Variants in TEX14 observed in about 807,000 individuals in gnomAD.
The protein encoded by TEX14 is testis expressed 14, intercellular bridge forming factor, also known as inactive serine/threonine-protein kinase TEX14.
In TEX14, 168 loss-of-function variants were observed where a neutral mutation model predicts 178.6. That is an observed-to-expected ratio of 0.94 (90% CI 0.83 to 1.07). The LOEUF (loss-of-function observed/expected upper bound fraction) is 1.07, where lower values mean the gene tolerates loss of function less well. TEX14 is among the 50% of genes least tolerant of loss of function. The pLI, the probability that TEX14 is intolerant of heterozygous loss-of-function variation, is 0.00. For missense variants in TEX14, 1,730 were observed against 1,753.6 expected (o/e 0.99, Z 0.24); for synonymous variants, 626 against 634.1 (o/e 0.99, Z 0.19).
chr17:58,573,739 G>A (rs540379604), intron 22 of TEX14, among the ~76,000 whole-genome samples: 207 of 152,170 alleles, frequency 1.4e-3, no homozygotes, highest in African/African-American at 4.7e-3. Context: ...GGCTGGTCAC[G>A]AACTCCTGAT....
intron 1 of TEX14, chr17:58,675,551 T>C (rs1271220885): frequency 6.6e-6 from 1 of 152,234 alleles, no homozygotes; most frequent in Non-Finnish European, 1.5e-5. Context: ...AGACAATCTC[T>C]GGCTCTTTCT....
At chr17:58,679,405 G>C (rs892168024) in intron 1 of TEX14, 1 of 151,294 alleles carries the variant, frequency 6.6e-6, no homozygotes, top group East Asian at 1.9e-4. Flanking sequence ...CGTGTGTGGA[G>C]AAAAAAATGA....
At chr17:58,561,006 A>AT (rs1029639895) in intron 29 of TEX14, among the ~76,000 whole-genome samples, 1 of 152,222 alleles carries the variant, frequency 6.6e-6, no homozygotes, top group Non-Finnish European at 1.5e-5. Context: ...AAAATAAGAC[A>AT]TACTTCTTGC....
intron 7 of TEX14, 124 bp downstream of exon 7, chr17:58,616,051 T>C (rs2045864673): frequency 8.8e-7 from 1 of 1,141,098 alleles, no homozygotes; most frequent in African/African-American, 1.6e-5. Flanking sequence ...AACCCTGATT[T>C]AGACAGATGT....
At chr17:58,670,873 A>G (rs2047294984) in intron 1 of TEX14, among the ~76,000 whole-genome samples, 1 of 152,024 alleles carries the variant, frequency 6.6e-6, no homozygotes, top group Non-Finnish European at 1.5e-5. Context: ...ATAAAATGAT[A>G]GAAGTACATA....
intron 2 of TEX14, among the ~76,000 whole-genome samples, chr17:58,650,802 A>G (rs2046824618): frequency 6.6e-6 from 1 of 152,150 alleles, no homozygotes; most frequent in South Asian, 2.1e-4. Flanking sequence ...AGAACTATTC[A>G]GTGGGATAGG....
intron 2 of TEX14, among the ~76,000 whole-genome samples, chr17:58,646,842 C>T (rs887697131): frequency 4.2e-4 from 64 of 151,914 alleles, no homozygotes; most frequent in African/African-American, 1.5e-3. Context: ...CTGTAACAAT[C>T]GGTTTTCTGA....
In TEX14 at chr17:58,585,885, C is replaced by G; in HGVS notation, c.2986G>C (p.Gly996Arg). Residue 996 changes from glycine (G) to arginine (R), a missense_variant, in exon 18 of 32, where the codon GGA becomes CGA. This residue lies in a region of TEX14 where 941 missense variants were observed against 1,072.4 expected (regional missense o/e 0.88). Coordinates refer to ENST00000349033, the MANE Select transcript of TEX14 (RefSeq NM_031272.5). ...CCCGTCTTGTCAAACTTGCCATTTC[C>G]TCTGGGCTCATCATTTTCCCTATGA... ...EYHRENDEPR[G>R]NGKFDKTGNN... 1 of 1,614,054 alleles carries G rather than the reference C, an allele frequency of 6.2e-7. No homozygotes were observed. Among genetic ancestry groups the G allele is most frequent in the Non-Finnish European group, 8.5e-7 (1 of 1,180,002 alleles).
rs762547480 is a variant in TEX14 at position 58,616,198 on chromosome 17, G to A, written c.744C>T (p.Ser248=). The A allele has an allele frequency of 1.3e-5, 21 of 1,613,498 alleles. No homozygotes were observed. The highest frequency in any genetic ancestry group is 1.6e-5 in the Non-Finnish European group (19 of 1,179,824). ...ACTTGGTCATGACCATGTAGGGGCC[G>A]CTGAAGAAAGAGAAGGTGGGCTCAT... ...ADDEPTFSFF[S]GPYMVMTNLV... is the part of the protein sequence containing the mutation. Residue 248 remains serine, a synonymous_variant, in exon 7 of 32, where the codon AGC becomes AGT. Transcript: ENST00000349033.
intron 2 of TEX14, among the ~76,000 whole-genome samples, chr17:58,639,147 G>A (rs1440758066): frequency 6.6e-6 from 1 of 151,726 alleles, no homozygotes; most frequent in Non-Finnish European, 1.5e-5. Flanking sequence ...TTACAGGCGT[G>A]AGCCACCGCG....
chr17:58,650,768 T>A (rs1404471516), intron 2 of TEX14, among the ~76,000 whole-genome samples: 1 of 152,178 alleles, frequency 6.6e-6, no homozygotes, highest in Non-Finnish European at 1.5e-5. Context: ...GGATCCACTG[T>A]GCCAGCCATG....
chr17:58,617,083 T>C (rs1010640575), intron 6 of TEX14, among the ~76,000 whole-genome samples: 8 of 151,924 alleles, frequency 5.3e-5, no homozygotes, highest in South Asian at 4.2e-4. Context: ...AAATCCCATC[T>C]CTACTAAAAA....
chr17:58,608,521 A>T (rs907158028), intron 10 of TEX14, among the ~76,000 whole-genome samples: 2 of 152,158 alleles, frequency 1.3e-5, no homozygotes, highest in African/African-American at 4.8e-5. Context: ...GGTTGCAGTG[A>T]GCCGAGATCG....
chr17:58,565,714 A>T (rs1285292479), intron 27 of TEX14, 33 bp downstream of exon 27: 1 of 1,535,748 alleles, frequency 6.5e-7, no homozygotes, highest in East Asian at 2.3e-5. Context: ...CGTTAAAAGA[A>T]CCTGATGAAA....
chr17:58,595,943 G>C (rs2045268268), intron 14 of TEX14, among the ~76,000 whole-genome samples: 1 of 152,216 alleles, frequency 6.6e-6, no homozygotes, highest in South Asian at 2.1e-4. Context: ...CCAACACTTT[G>C]GGAGGCCAAG....
intron 1 of TEX14, among the ~76,000 whole-genome samples, chr17:58,677,396 G>T (rs1256515247): frequency 6.6e-6 from 1 of 152,160 alleles, no homozygotes; most frequent in Non-Finnish European, 1.5e-5. Flanking sequence ...GCTGGATTAA[G>T]GGAACACAGC....
intron 1 of TEX14, among the ~76,000 whole-genome samples, chr17:58,671,621 T>C (rs1248107740): frequency 6.6e-6 from 1 of 152,190 alleles, no homozygotes; most frequent in Non-Finnish European, 1.5e-5. Flanking sequence ...CTTCTAAGGA[T>C]GGCCAATGTC....
At chr17:58,684,227 C>T (rs1163746697) in intron 1 of TEX14, among the ~76,000 whole-genome samples, 1 of 151,666 alleles carries the variant, frequency 6.6e-6, no homozygotes, top group Non-Finnish European at 1.5e-5. Context: ...TTTGGGAGGC[C>T]TTGGCGGGTG....
intron 14 of TEX14, 21 bp from the exon 15 acceptor site, chr17:58,593,682 T>C: frequency 6.3e-7 from 1 of 1,588,034 alleles, no homozygotes. Flanking sequence ...AATAAACATG[T>C]TTCAGGGCTT....
Sources: allele counts gnomAD v4.1 joint callset (sites outside exome capture counted in the v4.1 genomes callset), GRCh38; gene constraint gnomAD v4.1.1; regional missense constraint gnomAD v4.1.1; transcripts MANE v1.5; gene names NCBI Gene and HGNC (gene_info 2026-07-23, HGNC 2026-07-21).